Variants in TMEM135 observed in about 807,000 individuals in gnomAD.
TMEM135 encodes transmembrane protein 135.
Under a neutral mutation model 60.3 loss-of-function variants are expected in TMEM135, and 30 were observed. The ratio of observed to expected loss-of-function variants is 0.50; its 90% CI spans 0.37 to 0.68. The LOEUF (loss-of-function observed/expected upper bound fraction) is 0.68. TMEM135 is among the 30% of genes least tolerant of loss of function. TMEM135 has a pLI of 0.00. For missense variants in TMEM135, 468 were observed against 548.8 expected (o/e 0.85, Z 1.47); for synonymous variants, 190 against 186.7 (o/e 1.02, Z -0.14).
chr11:87,256,193 A>T (rs1297561462), intron 6 of TMEM135, among the ~76,000 whole-genome samples: 2 of 152,188 alleles, frequency 1.3e-5, no homozygotes, highest in African/African-American at 4.8e-5. Context: ...TTTAAATATT[A>T]TTAGAGGATC....
At chr11:87,149,910 A>G (rs1056718996) in intron 4 of TMEM135, among the ~76,000 whole-genome samples, 9 of 152,216 alleles carry the variant, frequency 5.9e-5, no homozygotes, top group African/African-American at 1.7e-4. Context: ...TTAAATATTT[A>G]CATGTAGTTT....
At chr11:87,270,030 G>A (rs11235064) in intron 6 of TMEM135, among the ~76,000 whole-genome samples, 2 of 99,100 alleles carry the variant, frequency 2.0e-5, no homozygotes, top group Non-Finnish European at 4.9e-5. Flanking sequence ...TTTTAATGAT[G>A]GCCATTCTAA....
intron 5 of TMEM135, among the ~76,000 whole-genome samples, chr11:87,170,071 C>CA (rs1939190679): frequency 6.6e-6 from 1 of 151,048 alleles, no homozygotes; most frequent in Non-Finnish European, 1.5e-5. Flanking sequence ...TCCACTTGAT[C>CA]AGTTTGGCTA....
At chr11:87,297,580 A>C (rs1942368693) in intron 7 of TMEM135, among the ~76,000 whole-genome samples, 2 of 152,222 alleles carry the variant, frequency 1.3e-5, no homozygotes, top group African/African-American at 4.8e-5. Context: ...TTGTTTTCCT[A>C]CATCTCCTTA....
At chr11:87,207,459 TGC>T (rs546391578) in intron 5 of TMEM135, among the ~76,000 whole-genome samples, 467 of 152,320 alleles carry the variant, frequency 3.1e-3, no homozygotes, top group Non-Finnish European at 5.1e-3. Context: ...ATTCAAGGGC[TGC>T]GTATTTCCAG....
In TMEM135 at chr11:87,326,584, A is replaced by G. The variant is rs542911623; in HGVS notation, c.*5251A>G. 3.5e-4 allele frequency: 157 copies of G among 454,010 alleles called. No homozygotes were observed. Among genetic ancestry groups the G allele is most frequent in the Non-Finnish European group, 5.1e-4 (115 of 226,768 alleles). 28.1% of individuals were successfully genotyped at this position (454,010 alleles called of 1,614,324 possible). A position where few individuals can be genotyped will look rare whatever the true frequency, so the allele number is the denominator to read the frequency against. On this transcript the variant is annotated 3_prime_UTR_variant, in exon 15 of 15. Transcript: ENST00000305494. ...GAATGGGAGAGAAGAGACTATAAAC[A>G]TATTTTAAGCCTTATCTCTTTTCTC...
chr11:87,191,172 T>C (rs1473618423), intron 5 of TMEM135, among the ~76,000 whole-genome samples: 1 of 151,986 alleles, frequency 6.6e-6, no homozygotes, highest in Admixed American at 6.6e-5. Context: ...TGTCCTAAGA[T>C]AGGGCAAGGA....
intron 1 of TMEM135, among the ~76,000 whole-genome samples, chr11:87,062,757 C>T (rs774066228): frequency 5.3e-5 from 8 of 151,936 alleles, no homozygotes; most frequent in African/African-American, 1.5e-4. Context: ...CCACTGCACT[C>T]GGCCCATTTA....
At chr11:87,269,147 GT>G (rs1466905683) in intron 6 of TMEM135, among the ~76,000 whole-genome samples, 1 of 149,434 alleles carries the variant, frequency 6.7e-6, no homozygotes, top group Non-Finnish European at 1.5e-5. Flanking sequence ...TTTTATTATA[GT>G]CTTTTAATTA....
At chr11:87,040,219 C>T (rs1949738686) in intron 1 of TMEM135, among the ~76,000 whole-genome samples, 1 of 152,110 alleles carries the variant, frequency 6.6e-6, no homozygotes, top group Non-Finnish European at 1.5e-5. Flanking sequence ...TATTTCATGA[C>T]AGTTTTGTTT....
intron 4 of TMEM135, among the ~76,000 whole-genome samples, chr11:87,137,277 A>T (rs1161598320): frequency 6.6e-6 from 1 of 151,982 alleles, no homozygotes; most frequent in Non-Finnish European, 1.5e-5. Flanking sequence ...AAAAAAAAAA[A>T]AATCACTGAC....
At chr11:87,239,791 A>G (rs1251029504) in intron 6 of TMEM135, among the ~76,000 whole-genome samples, 1 of 151,912 alleles carries the variant, frequency 6.6e-6, no homozygotes. Context: ...AAGTAGTTTC[A>G]TAAATATTTT....
rs188276781 is a variant in TMEM135, at chr11:87,086,498, G to A, written c.363-4864G>A. On this transcript the variant is annotated intron_variant, in intron 3 of 14. Coordinates refer to ENST00000305494, the MANE Select transcript of TMEM135 (RefSeq NM_022918.4). ...AGGGCAGAGAAGAATTTTATTAAGC[G>A]GTGGAACAGCTCAGTGGAGAGGAGA... 2.0e-3 allele frequency among the ~76,000 whole-genome samples: 309 copies of A among 152,190 alleles called. 2 individuals are homozygous for A. Among genetic ancestry groups the A allele is most frequent in the African/African-American group, 6.5e-3 (271 of 41,520 alleles).
intron 13 of TMEM135, 132 bp from the exon 14 acceptor site, chr11:87,319,178 A>G (rs910449913): frequency 2.5e-6 from 2 of 804,696 alleles, no homozygotes; most frequent in Non-Finnish European, 4.3e-6. Context: ...CAAAAGCAAC[A>G]TTTTTATTTG....
At chr11:87,094,039 T>C (rs1857268450) in intron 4 of TMEM135, among the ~76,000 whole-genome samples, 1 of 152,190 alleles carries the variant, frequency 6.6e-6, no homozygotes, top group African/African-American at 2.4e-5. Context: ...TTTCTTCATA[T>C]GATTTTATAT....
chr11:87,320,121 G>T (rs1286833613), intron 14 of TMEM135, among the ~76,000 whole-genome samples: 1 of 152,004 alleles, frequency 6.6e-6, no homozygotes, highest in Non-Finnish European at 1.5e-5. Context: ...CCAACATATG[G>T]TTTTAAGAGG....
At chr11:87,059,350 G>A (rs1949924270) in intron 1 of TMEM135, among the ~76,000 whole-genome samples, 1 of 149,112 alleles carries the variant, frequency 6.7e-6, no homozygotes, top group Non-Finnish European at 1.5e-5. Context: ...TGTTGCCCAG[G>A]CTGAAGTGCA....
At chr11:87,223,048 TC>T (rs1940678578) in intron 5 of TMEM135, among the ~76,000 whole-genome samples, 1 of 152,184 alleles carries the variant, frequency 6.6e-6, no homozygotes, top group Non-Finnish European at 1.5e-5. Flanking sequence ...GTCAGTTGTT[TC>T]CTTGCTATAA....
At chr11:87,245,268 CA>C (rs1320755278) in intron 6 of TMEM135, among the ~76,000 whole-genome samples, 1 of 149,760 alleles carries the variant, frequency 6.7e-6, no homozygotes, top group East Asian at 1.9e-4. Flanking sequence ...GCTTTACTTC[CA>C]CGTATGTGGT....
Sources: gnomAD v4.1 joint callset for allele counts (sites outside exome capture counted in the v4.1 genomes callset) on GRCh38, gnomAD v4.1.1 for gene constraint, MANE v1.5 for transcripts, NCBI Gene and HGNC (gene_info 2026-07-23, HGNC 2026-07-21) for gene names.